Variants in UNC5D observed in about 807,000 individuals in gnomAD.
The protein encoded by UNC5D is netrin receptor UNC5D.
In UNC5D, 39 loss-of-function variants were observed where a neutral mutation model predicts 105.4. That is an observed-to-expected ratio of 0.37 (90% confidence interval 0.29 to 0.48). UNC5D has a LOEUF of 0.48. Among genes scored for constraint, UNC5D ranks in the 20% least tolerant of loss-of-function variants. The probability of loss-of-function intolerance (pLI) is 0.98; values close to 1 mark genes in which losing one functional copy is unlikely to be tolerated. For synonymous variants in UNC5D, 452 were observed against 450.4 expected (o/e 1.00, Z -0.04); for missense variants, 991 against 1,202.4 (o/e 0.82, Z 2.60).
At chr8:35,709,904 A>C (rs1827832491) in intron 8 of UNC5D, among the ~76,000 whole-genome samples, 1 of 152,092 alleles carries the variant, frequency 6.6e-6, no homozygotes, top group African/African-American at 2.4e-5. Flanking sequence ...GGAGAATAGT[A>C]ATAGCTAAGG....
At chr8:35,719,494 G>A (rs977602536) in intron 8 of UNC5D, among the ~76,000 whole-genome samples, 8 of 152,300 alleles carry the variant, frequency 5.3e-5, no homozygotes, top group Non-Finnish European at 1.0e-4. Flanking sequence ...TGTGGGTAAA[G>A]TCTGGTTCTA....
At position 35,522,974 on chromosome 8, in the gene UNC5D, T is replaced by A. The variant is rs554884789; in HGVS notation, c.104-26318T>A. Among the ~76,000 whole-genome samples the A allele has an allele frequency of 2.0e-5, 3 of 152,312 alleles. No individual in the cohort carries two copies. The East Asian group carries it at 5.8e-4, about 29-fold the overall frequency. The stretch of plus-strand genomic sequence containing the variant: ...TGCCAATCAATGATTATCTTTGATA[T>A]CTAACAATATAATGAAGCCTATTGC... On this transcript the variant is annotated intron_variant, in intron 1 of 16. Coordinates refer to ENST00000404895, the MANE Select transcript of UNC5D (RefSeq NM_080872.4).
At chr8:35,772,954 G>A (rs1802075138) in intron 15 of UNC5D, among the ~76,000 whole-genome samples, 1 of 151,998 alleles carries the variant, frequency 6.6e-6, no homozygotes, top group South Asian at 2.1e-4. Flanking sequence ...TCTATAGGAA[G>A]CTCATAGACT....
At chr8:35,622,718 G>T (rs533273583) in intron 4 of UNC5D, among the ~76,000 whole-genome samples, 6 of 152,138 alleles carry the variant, frequency 3.9e-5, no homozygotes, top group Non-Finnish European at 7.4e-5. Context: ...TTCCATTCAC[G>T]TGTGGAAAAA....
At chr8:35,511,960 G>A (rs1812742015) in intron 1 of UNC5D, among the ~76,000 whole-genome samples, 1 of 152,086 alleles carries the variant, frequency 6.6e-6, no homozygotes, top group African/African-American at 2.4e-5. Context: ...GGCAATGGTT[G>A]CCTCCACATC....
At chr8:35,611,981 C>T (rs552702242) in intron 4 of UNC5D, among the ~76,000 whole-genome samples, 3 of 152,308 alleles carry the variant, frequency 2.0e-5, no homozygotes, top group East Asian at 3.9e-4. Flanking sequence ...GCTGTTAATA[C>T]AGCCTGTAAA....
intron 1 of UNC5D, among the ~76,000 whole-genome samples, chr8:35,264,379 C>A (rs1585443001): frequency 8.0e-5 from 2 of 25,138 alleles, no homozygotes. Context: ...ATAGAGAATA[C>A]TTCGTAATGA....
chr8:35,671,821 C>T (rs755009558), intron 4 of UNC5D, among the ~76,000 whole-genome samples: 2 of 151,164 alleles, frequency 1.3e-5, no homozygotes, highest in African/African-American at 2.4e-5. Flanking sequence ...TTTTTCAGGA[C>T]GATTAACTCA....
intron 4 of UNC5D, among the ~76,000 whole-genome samples, chr8:35,598,178 C>A (rs1335065839): frequency 2.6e-5 from 4 of 152,138 alleles, no homozygotes; most frequent in Non-Finnish European, 5.9e-5. Flanking sequence ...CCCACTCCAC[C>A]TTTTCCCTGC....
At chr8:35,669,922 A>G (rs889906376) in intron 4 of UNC5D, among the ~76,000 whole-genome samples, 1 of 152,156 alleles carries the variant, frequency 6.6e-6, no homozygotes, top group Non-Finnish European at 1.5e-5. Flanking sequence ...TCTGTAGCAC[A>G]AGAGGGTAAA....
Position 35,571,040 on chromosome 8 carries a change from A to AG in UNC5D, c.466+2799_466+2800insG, listed in dbSNP as rs1563546588. ...ATATATATACACATAGAGAGAGAGAAATGGGGTTTGCTATGTTGCCCAGGC... is the reference window on the plus strand; with the variant it reads ...ATATATATACACATAGAGAGAGAGAAGATGGGGTTTGCTATGTTGCCCAGGC... On this transcript the variant is annotated intron_variant, in intron 3 of 16. Coordinates refer to ENST00000404895, the MANE Select transcript of UNC5D (RefSeq NM_080872.4). 1.6e-4 allele frequency among the ~76,000 whole-genome samples: 24 copies of AG among 151,766 alleles called. 1 individual carries two copies. Among genetic ancestry groups the AG allele is most frequent in the African/African-American group, 5.1e-4 (21 of 41,412 alleles).
At chr8:35,266,922 C>T (rs1804916684) in intron 1 of UNC5D, among the ~76,000 whole-genome samples, 1 of 152,018 alleles carries the variant, frequency 6.6e-6, no homozygotes, top group South Asian at 2.1e-4. Flanking sequence ...AGACAGAAGA[C>T]AGAATTTTAA....
At chr8:35,281,441 A>T (rs1806154983) in intron 1 of UNC5D, among the ~76,000 whole-genome samples, 1 of 143,076 alleles carries the variant, frequency 7.0e-6, no homozygotes. Context: ...TTTTTGCCAA[A>T]CTCCTCTTCT....
intron 1 of UNC5D, among the ~76,000 whole-genome samples, chr8:35,443,852 CT>C (rs1254391045): frequency 6.6e-6 from 1 of 151,752 alleles, no homozygotes; most frequent in Non-Finnish European, 1.5e-5. Context: ...AGCTGATCAT[CT>C]TTTTTAATGA....
chr8:35,302,979 GTT>G (rs1163535483), intron 1 of UNC5D, among the ~76,000 whole-genome samples: 1 of 151,994 alleles, frequency 6.6e-6, no homozygotes, highest in African/African-American at 2.4e-5. Context: ...TATAAGTTAA[GTT>G]TTTTGCAGCC....
chr8:35,594,808 A>G (rs1819385853), intron 3 of UNC5D, among the ~76,000 whole-genome samples: 2 of 152,118 alleles, frequency 1.3e-5, no homozygotes, highest in South Asian at 4.1e-4. Context: ...GTTCCCCATC[A>G]CTGGCATCGA....
chr8:35,313,711 A>T (rs983140715), intron 1 of UNC5D, among the ~76,000 whole-genome samples: 1 of 152,152 alleles, frequency 6.6e-6, no homozygotes, highest in South Asian at 2.1e-4. Flanking sequence ...GCCACATGGG[A>T]GCTATGTGGT....
chr8:35,371,040 G>A (rs559625632), intron 1 of UNC5D, among the ~76,000 whole-genome samples: 4 of 152,220 alleles, frequency 2.6e-5, no homozygotes, highest in African/African-American at 9.6e-5. Context: ...AAGACCCTAT[G>A]TCTACCAAAA....
At chr8:35,393,096 G>A (rs1405690336) in intron 1 of UNC5D, among the ~76,000 whole-genome samples, 1 of 134,416 alleles carries the variant, frequency 7.4e-6, no homozygotes, top group Non-Finnish European at 1.6e-5. Context: ...TCATGCAAAT[G>A]TAACTAAATA....
Sources: allele counts gnomAD v4.1 joint callset (sites outside exome capture counted in the v4.1 genomes callset), GRCh38; gene constraint gnomAD v4.1.1; transcripts MANE v1.5; gene names NCBI Gene and HGNC (gene_info 2026-07-23, HGNC 2026-07-21).